The following AHCTF1 variants were observed in gnomAD, a reference collection of about 807,000 sequenced individuals.
The protein encoded by AHCTF1 is AT-hook containing transcription factor 1.
Under a neutral mutation model 248.4 loss-of-function variants are expected in AHCTF1, and 24 were observed. The ratio of observed to expected loss-of-function variants is 0.10; its 90% CI spans 0.07 to 0.14. The LOEUF (loss-of-function observed/expected upper bound fraction) is 0.14. AHCTF1 is among the 10% of genes least tolerant of loss of function. AHCTF1 has a pLI of 1.00. For missense variants in AHCTF1, 2,206 were observed against 2,636.2 expected (o/e 0.84, Z 3.57); for synonymous variants, 786 against 929.8 (o/e 0.85, Z 2.81).
At position 246,887,259 on chromosome 1, in the gene AHCTF1, T is replaced by C. The variant is rs1663882072; in HGVS notation, c.2424A>G (p.Gln808=). 6.2e-7 allele frequency: 1 copy of C among 1,613,612 alleles called. No homozygotes were observed. Among genetic ancestry groups the C allele is most frequent in the Non-Finnish European group, 8.5e-7 (1 of 1,179,748 alleles). Reference sequence around the variant, plus strand: ...ACCAAAACCCCTGAATAAGTTTAACTTGGCCCCAAGAAATGGCAAATACAG... The same window carrying C: ...ACCAAAACCCCTGAATAAGTTTAACCTGGCCCCAAGAAATGGCAAATACAG... ...FPTVFAISWG[Q]VKLIQGFWLI... The change falls in exon 20 of 36, where the codon CAA becomes CAG. Residue 808 remains glutamine (Q), a synonymous_variant. Coordinates refer to ENST00000648844, the MANE Select transcript of AHCTF1 (RefSeq NM_001323342.2).
rs182906051 is a variant in AHCTF1 at position 246,870,262 on chromosome 1, A to G, written c.3089-2451T>C. 5.3e-5 allele frequency among the ~76,000 whole-genome samples: 8 copies of G among 152,278 alleles called. No homozygotes were observed. In the East Asian group the frequency reaches 1.5e-3, roughly 29 times the overall value. ...AGTTTGAGAATAGCCTGGGCGACATAGTGAGGCCCTCTCTACAAAAAATAC... is the reference window on the plus strand; with the variant it reads ...AGTTTGAGAATAGCCTGGGCGACATGGTGAGGCCCTCTCTACAAAAAATAC... On this transcript the variant is annotated intron_variant, in intron 24 of 35. Transcript: ENST00000648844.
chr1:246,889,395 TA>T (rs1664056290), intron 17 of AHCTF1, among the ~76,000 whole-genome samples: 1 of 152,240 alleles, frequency 6.6e-6, no homozygotes, highest in East Asian at 1.9e-4. Context: ...TATTTAGCTT[TA>T]TACTGACTTT....
chr1:246,851,282 T>A lies in AHCTF1; in HGVS notation c.4724A>T (p.Glu1575Val). Reference sequence around the variant, plus strand: ...CCCATCTACTTCAGCAATGTCACATTCAGCAGTGTCTTTGTTATCAGCTAA... The same window carrying A: ...CCCATCTACTTCAGCAATGTCACATACAGCAGTGTCTTTGTTATCAGCTAA... Reference protein sequence around the residue: ...CDLADNKDTAECDIAEVDGEL... With the variant: ...CDLADNKDTAVCDIAEVDGEL... Residue 1575 changes from glutamate (E) to valine (V), a missense_variant, in exon 33 of 36, where the codon GAA becomes GTA. Glu to Val is a moderately radical substitution (Grantham distance 121, BLOSUM62 -2). Coordinates refer to ENST00000648844, the MANE Select transcript of AHCTF1 (RefSeq NM_001323342.2). 1 of 1,614,008 alleles carries A rather than the reference T, an allele frequency of 6.2e-7. No individual in the cohort carries two copies. The highest frequency in any genetic ancestry group is 2.2e-5 in the East Asian group (1 of 44,870).
intron 2 of AHCTF1, 144 bp downstream of exon 2, chr1:246,918,106 A>G (rs368445746): frequency 9.5e-6 from 6 of 631,048 alleles, no homozygotes; most frequent in African/African-American, 7.6e-5. Context: ...TAGATGTTAT[A>G]TATGTAACTG....
chr1:246,849,665 T>A lies in AHCTF1; in HGVS notation c.6341A>T (p.Asn2114Ile), dbSNP rs772542522. 6 of 1,613,850 alleles carry A rather than the reference T, an allele frequency of 3.7e-6. No individual in the cohort carries two copies. The Admixed American group carries it at 1.0e-4, about 27-fold the overall frequency. Residue 2114 changes from asparagine to isoleucine, a missense_variant, in exon 33 of 36, where the codon AAC (asparagine) becomes ATC (isoleucine). Transcript: ENST00000648844. ...AILLPDLSEP[N>I]NEPLFSPASE... Reference sequence around the variant, plus strand: ...CGCTGGAGAAAATAAAGGCTCATTGTTTGGTTCAGAAAGGTCCGGCAACAA... The same window carrying A: ...CGCTGGAGAAAATAAAGGCTCATTGATTGGTTCAGAAAGGTCCGGCAACAA...
rs41304151 is a variant in AHCTF1 at position 246,861,024 on chromosome 1, G to A, written c.4007C>T (p.Thr1336Met). ...GGAAGAGCTTTTGGGCTTAGAGGCC[G>A]TGAAAACAGTCTCTTCAAGGTCTTC... ...SPEDLEETVF[T>M]ASKPKSSSTA... is the part of the protein sequence containing the mutation. The change falls in exon 29 of 36, where the codon ACG becomes ATG. Residue 1336 changes from threonine (T) to methionine (M), a missense_variant. Thr to Met is a moderately conservative substitution (Grantham distance 81, BLOSUM62 -1). This residue lies in a region of AHCTF1 where 955 missense variants were observed against 1,055.6 expected (regional missense o/e 0.90). Coordinates refer to ENST00000648844, the MANE Select transcript of AHCTF1 (RefSeq NM_001323342.2). 0.035 allele frequency: 56,368 copies of A among 1,613,900 alleles called. 1,083 individuals carry two copies. Among genetic ancestry groups the A allele is most frequent in the Non-Finnish European group, 0.041 (48,868 of 1,179,858 alleles).
intron 8 of AHCTF1, among the ~76,000 whole-genome samples, chr1:246,902,133 C>CA (rs1167219698): frequency 2.0e-5 from 3 of 151,268 alleles, no homozygotes; most frequent in Non-Finnish European, 1.5e-5. Flanking sequence ...AAAACCGATG[C>CA]AAAAAAAACT....
intron 1 of AHCTF1, among the ~76,000 whole-genome samples, chr1:246,929,263 G>A (rs574719674): frequency 6.6e-6 from 1 of 152,188 alleles, no homozygotes; most frequent in South Asian, 2.1e-4. Flanking sequence ...CAAAAAATTA[G>A]CCGAGTGTGG....
At chr1:246,914,758 A>G (rs1666028027) in intron 3 of AHCTF1, among the ~76,000 whole-genome samples, 1 of 152,116 alleles carries the variant, frequency 6.6e-6, no homozygotes, top group Admixed American at 6.5e-5. Context: ...TCCTTATTCT[A>G]TATTCTCTCT....
chr1:246,907,668 A>G lies in AHCTF1; in HGVS notation c.647T>C (p.Val216Ala), dbSNP rs1270999914. Residue 216 changes from valine to alanine, a missense_variant, in exon 5 of 36, where the codon GTA becomes GCA. Physicochemically the swap from Val to Ala is moderately conservative, Grantham distance 64. Around this residue, in one of 6 missense-constraint regions of AHCTF1, gnomAD observed 650 missense variants for 870.8 expected, o/e 0.75. Coordinates refer to ENST00000648844, the MANE Select transcript of AHCTF1 (RefSeq NM_001323342.2). ...TGAAACAGCTGTTCCTGTTGGACTTACTAACTGGAAACACAGATGGCGCCC... is the reference window on the plus strand; with the variant it reads ...TGAAACAGCTGTTCCTGTTGGACTTGCTAACTGGAAACACAGATGGCGCCC... ...RQGRHLCFQL[V>A]SPTGTAVSTL... 4 of 1,613,758 alleles carry G rather than the reference A, an allele frequency of 2.5e-6. No homozygotes were observed. The South Asian group carries it at 4.4e-5, about 18-fold the overall frequency.
In AHCTF1 at chr1:246,867,319, T is replaced by C. The variant is rs779504666; in HGVS notation, c.3272A>G (p.Tyr1091Cys). Residue 1091 changes from tyrosine to cysteine, a missense_variant, in exon 26 of 36, where the codon TAT (tyrosine) becomes TGT (cysteine). This residue lies in a region of AHCTF1 where 955 missense variants were observed against 1,055.6 expected (regional missense o/e 0.90). Transcript: ENST00000648844. The stretch of plus-strand genomic sequence containing the variant: ...AGGCAGCTCTGGAGCTGGGAGCGAA[T>C]ACACTATAGGAGATGGTTCTTCTAT... ...SKIEEPSPIV[Y>C]SLPAPELPEA... 1.9e-6 allele frequency: 3 copies of C among 1,603,226 alleles called. No homozygotes were observed. Among genetic ancestry groups the C allele is most frequent in the South Asian group, 1.1e-5 (1 of 88,262 alleles).
At chr1:246,931,295 G>A (rs747557376) in intron 1 of AHCTF1, 8 of 1,547,834 alleles carry the variant, frequency 5.2e-6, no homozygotes, top group South Asian at 1.2e-5. Flanking sequence ...TGCCGGCGCA[G>A]GACGCGAACC....
intron 35 of AHCTF1, 81 bp from the exon 36 acceptor site, chr1:246,841,079 A>C (rs1303503264): frequency 8.0e-6 from 10 of 1,244,806 alleles, no homozygotes; most frequent in Non-Finnish European, 1.1e-5. Context: ...TGTTGAGAAA[A>C]ACCTTAGGGA....
rs573434409 is a variant in AHCTF1, at chr1:246,842,652, CTCAA to C, written c.6608+38_6608+41del. ...TAGGGTGGGGACAGAGCGAGACTGTCTCAATCAATCAATCAATCAAGAACAGAAC... is the reference window on the plus strand; with the variant it reads ...TAGGGTGGGGACAGAGCGAGACTGTCTCAATCAATCAATCAAGAACAGAAC... On this transcript the variant is annotated intron_variant, in intron 35 of 35. Transcript: ENST00000648844. 6.4e-4 allele frequency: 984 copies of C among 1,534,650 alleles called. 17 individuals are homozygous for C. In the East Asian group the frequency reaches 0.018, roughly 29 times the overall value.
chr1:246,895,281 G>GA (rs1159743516), intron 13 of AHCTF1, among the ~76,000 whole-genome samples: 2 of 152,112 alleles, frequency 1.3e-5, no homozygotes, highest in East Asian at 1.9e-4. Context: ...TTTTGTAAGT[G>GA]AATGTCCTTA....
At chr1:246,859,214 T>C (rs751643886) in intron 29 of AHCTF1, among the ~76,000 whole-genome samples, 1 of 152,240 alleles carries the variant, frequency 6.6e-6, no homozygotes. Context: ...TTAAACTACT[T>C]AAGATGCAGA....
At chr1:246,847,387 T>A (rs1367510829) in intron 33 of AHCTF1, among the ~76,000 whole-genome samples, 2 of 152,350 alleles carry the variant, frequency 1.3e-5, no homozygotes, top group Middle Eastern at 3.4e-3. Flanking sequence ...TGCAGGTTTT[T>A]AAATACCAAC....
intron 29 of AHCTF1, among the ~76,000 whole-genome samples, chr1:246,858,763 C>A (rs1214011186): frequency 1.3e-5 from 2 of 149,904 alleles, no homozygotes; most frequent in Non-Finnish European, 3.0e-5. Context: ...CACACCACTG[C>A]ACTCCAGCCT....
At chr1:246,922,754 G>GGCA (rs1572473658) in intron 1 of AHCTF1, among the ~76,000 whole-genome samples, 1 of 151,324 alleles carries the variant, frequency 6.6e-6, no homozygotes, top group Non-Finnish European at 1.5e-5. Flanking sequence ...AGGCCAAGGA[G>GGCA]GGCGGATCAC....
Sources: allele counts gnomAD v4.1 joint callset (sites outside exome capture counted in the v4.1 genomes callset), GRCh38; gene constraint gnomAD v4.1.1; regional missense constraint gnomAD v4.1.1; transcripts MANE v1.5; gene names NCBI Gene and HGNC (gene_info 2026-07-23, HGNC 2026-07-21).